Variants in TENM2 observed in about 807,000 individuals in gnomAD.
The protein encoded by TENM2 is teneurin-2.
Under a neutral mutation model 245.2 loss-of-function variants are expected in TENM2, and 52 were observed. That is an observed-to-expected ratio of 0.21 (90% CI 0.17 to 0.27). The LOEUF (loss-of-function observed/expected upper bound fraction) is 0.27. Ranked by LOEUF, TENM2 falls within the 10% of genes least tolerant of loss-of-function variation. The pLI is 1.00. For synonymous variants in TENM2, 1,363 were observed against 1,438.9 expected (o/e 0.95, Z 1.19); for missense variants, 3,046 against 3,666.8 (o/e 0.83, Z 4.37).
chr5:168,023,187 T>C (rs1033068867), intron 5 of TENM2, among the ~76,000 whole-genome samples: 1 of 152,208 alleles, frequency 6.6e-6, no homozygotes, highest in Non-Finnish European at 1.5e-5. Context: ...TTCGAAACCC[T>C]GCTGCAGAGA....
intron 2 of TENM2, among the ~76,000 whole-genome samples, chr5:167,452,946 T>TATATATATATATTTTAA (rs1554157726): frequency 9.2e-5 from 1 of 10,858 alleles, no homozygotes; most frequent in East Asian, 3.8e-3. Flanking sequence ...TATATATATA[T>TATATATATATATTTTAA]ATATATATAT....
At chr5:168,211,694 CT>C in intron 19 of TENM2, 39 bp from the exon 22 acceptor site, 1 of 1,223,702 alleles carries the variant, frequency 8.2e-7, no homozygotes, top group Non-Finnish European at 1.1e-6. Context: ...CTTCTGCTAA[CT>C]GTTTGTTCTT....
chr5:167,432,227 G>A (rs1764297510), intron 2 of TENM2, among the ~76,000 whole-genome samples: 1 of 151,612 alleles, frequency 6.6e-6, no homozygotes, highest in East Asian at 1.9e-4. Flanking sequence ...ACGTGAACTC[G>A]TATTTAAATC....
intron 2 of TENM2, among the ~76,000 whole-genome samples, chr5:167,859,350 C>A (rs1771445672): frequency 6.7e-6 from 1 of 149,176 alleles, no homozygotes. Flanking sequence ...GCGTCTCCGC[C>A]CGGCAGCCAC....
At chr5:168,128,588 C>A (rs147356200) in intron 12 of TENM2, among the ~76,000 whole-genome samples, 1 of 152,246 alleles carries the variant, frequency 6.6e-6, no homozygotes, top group Non-Finnish European at 1.5e-5. Context: ...CACAATGATG[C>A]CTGCTGGCTC....
At chr5:167,008,338 A>T in the TENM2 span, among the ~76,000 whole-genome samples, 1 of 152,276 alleles carries the variant, frequency 6.6e-6, no homozygotes, top group African/African-American at 2.4e-5. Context: ...TTAAATTTTT[A>T]ATAGAGTCAG....
intron 1 of TENM2, among the ~76,000 whole-genome samples, chr5:167,320,045 T>G (rs79692689): frequency 0.015 from 2,249 of 152,302 alleles, 61 homozygotes; most frequent in African/African-American, 0.05. Flanking sequence ...ACTTTGCTTA[T>G]GTAATCTAGT....
the TENM2 span, among the ~76,000 whole-genome samples, chr5:167,046,491 C>T: frequency 6.6e-6 from 1 of 152,082 alleles, no homozygotes; most frequent in East Asian, 1.9e-4. Flanking sequence ...TGCGTGCCTA[C>T]TTAAAATGTG....
At chr5:167,052,304 A>G in the TENM2 span, among the ~76,000 whole-genome samples, 1 of 152,136 alleles carries the variant, frequency 6.6e-6, no homozygotes, top group African/African-American at 2.4e-5. Context: ...AACTTTTACT[A>G]TTAATAATAT....
chr5:167,787,475 C>T (rs1047060167), intron 2 of TENM2, among the ~76,000 whole-genome samples: 23 of 152,184 alleles, frequency 1.5e-4, no homozygotes, highest in Admixed American at 1.2e-3. Context: ...TCTTTGACTC[C>T]ATGTAGAAAC....
chr5:167,442,947 C>G (rs886857704), intron 2 of TENM2, among the ~76,000 whole-genome samples: 1 of 152,108 alleles, frequency 6.6e-6, no homozygotes, highest in Non-Finnish European at 1.5e-5. Context: ...AAGTCATTGA[C>G]TTGGAGTTGC....
the TENM2 span, among the ~76,000 whole-genome samples, chr5:167,087,175 G>A: frequency 3.9e-5 from 6 of 152,218 alleles, no homozygotes; most frequent in East Asian, 1.9e-4. Flanking sequence ...GTCAACTGCC[G>A]TGCCTTGCGT....
the TENM2 span, among the ~76,000 whole-genome samples, chr5:167,011,695 CAG>C: frequency 1.3e-5 from 2 of 152,168 alleles, no homozygotes; most frequent in Non-Finnish European, 2.9e-5. Context: ...TGAGACTACC[CAG>C]GGAGGTAGAG....
intron 1 of TENM2, among the ~76,000 whole-genome samples, chr5:167,363,759 A>G (rs111523896): frequency 0.023 from 3,410 of 151,000 alleles, 99 homozygotes; most frequent in African/African-American, 0.072. Context: ...AAAGAAAAAG[A>G]AAAAAGAGAA....
chr5:167,459,935 C>CAT (rs1554159233), intron 2 of TENM2, among the ~76,000 whole-genome samples: 5 of 151,252 alleles, frequency 3.3e-5, no homozygotes, highest in African/African-American at 9.7e-5. Context: ...CACACACACA[C>CAT]GCACACACAC....
chr5:167,207,704 G>T, the TENM2 span, among the ~76,000 whole-genome samples: 16 of 152,130 alleles, frequency 1.1e-4, no homozygotes, highest in African/African-American at 3.9e-4. Context: ...GTGCATGAGA[G>T]GGCTTTCTAA....
At chr5:167,262,538 C>G in the TENM2 span, among the ~76,000 whole-genome samples, 3 of 151,964 alleles carry the variant, frequency 2.0e-5, no homozygotes, top group African/African-American at 7.2e-5. Flanking sequence ...ATTCTTTTTT[C>G]TAGGTGATAA....
intron 13 of TENM2, among the ~76,000 whole-genome samples, chr5:168,184,019 G>A (rs533278906): frequency 1.3e-5 from 2 of 152,234 alleles, no homozygotes; most frequent in South Asian, 4.2e-4. Context: ...TGACTAAGAT[G>A]AAGATCAAGA....
intron 1 of TENM2, among the ~76,000 whole-genome samples, chr5:167,317,606 G>T (rs773999709): frequency 3.5e-4 from 53 of 152,220 alleles, no homozygotes; most frequent in Non-Finnish European, 6.6e-4. Context: ...AATCTCTTAG[G>T]CACTGCCTGC....
Sources: gnomAD v4.1 joint callset for allele counts (sites outside exome capture counted in the v4.1 genomes callset) on GRCh38, gnomAD v4.1.1 for gene constraint, MANE v1.5 for transcripts, NCBI Gene and HGNC (gene_info 2026-07-23, HGNC 2026-07-21) for gene names.